The following ADAM22 variants were observed in gnomAD, a reference collection of about 807,000 sequenced individuals.
The protein encoded by ADAM22 is ADAM metallopeptidase domain 22, also known as disintegrin and metalloproteinase domain-containing protein 22.
A neutral mutation model predicts 144.6 loss-of-function variants in ADAM22; 65 were observed. That is an observed-to-expected ratio of 0.45 (90% CI 0.37 to 0.55). The LOEUF (loss-of-function observed/expected upper bound fraction) is 0.55, where lower values mean the gene tolerates loss of function less well. ADAM22 is among the 20% of genes least tolerant of loss of function. The pLI is 0.00. For missense variants in ADAM22, 974 were observed against 1,184.9 expected (o/e 0.82, Z 2.61); for synonymous variants, 391 against 412.6 (o/e 0.95, Z 0.63).
chr7:87,956,209 G>A (rs573046464), intron 2 of ADAM22, among the ~76,000 whole-genome samples: 8 of 152,202 alleles, frequency 5.3e-5, no homozygotes, highest in South Asian at 4.2e-4. Flanking sequence ...GAAATCACCC[G>A]TCTTCTGCAT....
Position 88,187,539 on chromosome 7 carries a change from C to T in ADAM22, c.2750+838C>T, listed in dbSNP as rs543575270. On this transcript the variant is annotated intron_variant, in intron 30 of 31. Transcript: ENST00000413139. ...CAAGAGTTCGTAATGGCATTTTTTA[C>T]CCTTATATAATATCAAAGTGATTTT... is the stretch of plus-strand genomic sequence containing the variant. Among the ~76,000 whole-genome samples the T allele has an allele frequency of 4.6e-5, 7 of 152,222 alleles. 1 individual carries two copies. The South Asian group carries it at 1.2e-3, about 27-fold the overall frequency.
intron 3 of ADAM22, among the ~76,000 whole-genome samples, chr7:88,031,808 C>T (rs1448473435): frequency 1.3e-5 from 2 of 152,226 alleles, no homozygotes; most frequent in African/African-American, 4.8e-5. Context: ...TGCACAACCT[C>T]AGGACACTGC....
At chr7:88,133,001 T>C in intron 12 of ADAM22, 50 bp downstream of exon 12, 1 of 1,515,982 alleles carries the variant, frequency 6.6e-7, no homozygotes, top group Non-Finnish European at 9.1e-7. Flanking sequence ...GCTGAAAATG[T>C]TTTCCTCATA....
In ADAM22 at chr7:88,045,103, C is replaced by T. The variant is rs544358973; in HGVS notation, c.324-30523C>T. Among the ~76,000 whole-genome samples the T allele has an allele frequency of 7.3e-5, 11 of 150,646 alleles. No individual in the cohort carries two copies. The East Asian group carries it at 7.9e-4, about 11-fold the overall frequency. The stretch of plus-strand genomic sequence containing the variant: ...CGTGATCTCAGCTCACTGCAACCTC[C>T]GCCTCCCGGGTTCAGGCGACTCTCC... On this transcript the variant is annotated intron_variant, in intron 3 of 31. Coordinates refer to ENST00000413139, the MANE Select transcript of ADAM22 (RefSeq NM_001324418.2).
At position 88,001,091 on chromosome 7, in the gene ADAM22, C is replaced by A. The variant is rs1482571449; in HGVS notation, c.323+22679C>A. Among the ~76,000 whole-genome samples the A allele has an allele frequency of 5.9e-5, 9 of 152,336 alleles. No homozygotes were observed. In the East Asian group the frequency reaches 1.5e-3, roughly 26 times the overall value. ...TCCTCCCAAAAAGTTACCTCATACTCTGGTACATCTGTCTTTCAGACAAAA... is the reference window on the plus strand; with the variant it reads ...TCCTCCCAAAAAGTTACCTCATACTATGGTACATCTGTCTTTCAGACAAAA... On this transcript the variant is annotated intron_variant, in intron 3 of 31. Coordinates refer to ENST00000413139, the MANE Select transcript of ADAM22 (RefSeq NM_001324418.2).
intron 3 of ADAM22, among the ~76,000 whole-genome samples, chr7:88,031,867 A>G (rs1314507391): frequency 6.6e-6 from 1 of 152,242 alleles, no homozygotes; most frequent in Admixed American, 6.5e-5. Context: ...AAAGGGCCCC[A>G]GATACATCTC....
chr7:88,125,348 T>C (rs1419610417), intron 7 of ADAM22, among the ~76,000 whole-genome samples: 1 of 152,022 alleles, frequency 6.6e-6, no homozygotes, highest in Non-Finnish European at 1.5e-5. Context: ...ATAAGAGAAA[T>C]ATGAAAAATT....
intron 3 of ADAM22, among the ~76,000 whole-genome samples, chr7:88,006,393 T>G (rs1376360402): frequency 1.3e-5 from 2 of 151,942 alleles, no homozygotes; most frequent in Admixed American, 6.6e-5. Flanking sequence ...CCTCCCTAAC[T>G]CATTTTATGA....
chr7:88,190,178 A>G (rs1378514801), intron 30 of ADAM22, among the ~76,000 whole-genome samples: 1 of 152,218 alleles, frequency 6.6e-6, no homozygotes, highest in African/African-American at 2.4e-5. Flanking sequence ...CCATTGGCAC[A>G]CAAACATACC....
chr7:88,025,001 G>A (rs865940025), intron 3 of ADAM22, among the ~76,000 whole-genome samples: 9 of 152,008 alleles, frequency 5.9e-5, no homozygotes, highest in East Asian at 1.9e-4. Context: ...GAATAGTGCC[G>A]CAATAAACAT....
At chr7:88,151,640 T>A (rs536321838) in intron 20 of ADAM22, among the ~76,000 whole-genome samples, 1 of 152,274 alleles carries the variant, frequency 6.6e-6, no homozygotes, top group Admixed American at 6.5e-5. Context: ...TATACTCTTC[T>A]CAGCTGAGTG....
chr7:88,007,497 T>C (rs1222553680), intron 3 of ADAM22, among the ~76,000 whole-genome samples: 1 of 152,178 alleles, frequency 6.6e-6, no homozygotes, highest in Non-Finnish European at 1.5e-5. Context: ...GACCTCAAAC[T>C]ATACTACAAG....
intron 27 of ADAM22, 103 bp downstream of exon 27, chr7:88,179,232 A>G: frequency 2.0e-6 from 1 of 506,234 alleles, no homozygotes; most frequent in Admixed American, 3.6e-5. Context: ...CACTCATTAT[A>G]CAAATCAGGC....
rs942504178 is a variant in ADAM22 at position 87,984,463 on chromosome 7, A to T, written c.323+6051A>T. Among the ~76,000 whole-genome samples, 5 of 152,016 alleles carry T rather than the reference A, an allele frequency of 3.3e-5. No homozygotes were observed. The East Asian group carries it at 9.6e-4, about 29-fold the overall frequency. The stretch of plus-strand genomic sequence containing the variant: ...AAATCTTTGATAAATAATTTTTTTG[A>T]TGTCTATTGATGTATTCAGGTTTTC... On this transcript the variant is annotated intron_variant, in intron 3 of 31. Coordinates refer to ENST00000413139, the MANE Select transcript of ADAM22 (RefSeq NM_001324418.2).
intron 3 of ADAM22, among the ~76,000 whole-genome samples, chr7:87,982,058 T>TACACAC (rs1260590999): frequency 1.7e-5 from 2 of 120,822 alleles, no homozygotes; most frequent in Admixed American, 1.0e-4. Context: ...TATATATATA[T>TACACAC]ATATATATAT....
chr7:88,187,959 CTT>C (rs1848684096), intron 30 of ADAM22, among the ~76,000 whole-genome samples: 1 of 151,838 alleles, frequency 6.6e-6, no homozygotes, highest in African/African-American at 2.4e-5. Flanking sequence ...TTGTCCCACA[CTT>C]TCCCACACTG....
At chr7:88,093,358 A>C (rs1820439156) in intron 4 of ADAM22, among the ~76,000 whole-genome samples, 2 of 152,206 alleles carry the variant, frequency 1.3e-5, no homozygotes, top group South Asian at 4.1e-4. Context: ...ATTAATAAAA[A>C]TACCTTAGTT....
At chr7:88,020,406 T>G (rs1797567391) in intron 3 of ADAM22, among the ~76,000 whole-genome samples, 1 of 152,196 alleles carries the variant, frequency 6.6e-6, no homozygotes, top group Non-Finnish European at 1.5e-5. Context: ...GCCACAATCA[T>G]GTGACAATAC....
intron 3 of ADAM22, among the ~76,000 whole-genome samples, chr7:88,061,839 CTT>C (rs60313970): frequency 0.028 from 3,084 of 111,976 alleles, 81 homozygotes; most frequent in African/African-American, 0.1. Context: ...CTCTCTCTCT[CTT>C]TTTTTTTTTT....
Sources: gnomAD v4.1 joint callset for allele counts (sites outside exome capture counted in the v4.1 genomes callset) on GRCh38, gnomAD v4.1.1 for gene constraint, MANE v1.5 for transcripts, NCBI Gene and HGNC (gene_info 2026-07-23, HGNC 2026-07-21) for gene names.